Variants in ITGA3 observed in about 807,000 individuals in gnomAD.
ITGA3 encodes the protein integrin subunit alpha 3.
ITGA3 carries 70 observed loss-of-function variants against 131.1 expected under a neutral mutation model. The ratio of observed to expected loss-of-function variants is 0.53; its 90% confidence interval spans 0.44 to 0.65. The LOEUF is 0.65. Ranked by LOEUF, ITGA3 falls within the 30% of genes least tolerant of loss-of-function variation. The pLI is 0.00. For synonymous variants in ITGA3, 537 were observed against 571.6 expected (o/e 0.94, Z 0.86); for missense variants, 1,098 against 1,388.6 (o/e 0.79, Z 3.33).
chr17:50,078,188 C>A lies in ITGA3; in HGVS notation c.2220-19C>A. 6.2e-7 allele frequency: 1 copy of A among 1,613,550 alleles called. No homozygotes were observed. The highest frequency in any genetic ancestry group is 8.5e-7 in the Non-Finnish European group (1 of 1,179,646). On this transcript the variant is annotated intron_variant, in intron 17 of 25. Coordinates refer to ENST00000320031, the MANE Select transcript of ITGA3 (RefSeq NM_002204.4). ...AGGTATCTTGGATCACCTTCCTAAC[C>A]CCTGCATTTCCTCCCAAGGTCGAGT...
chr17:50,084,212 C>T lies in ITGA3; in HGVS notation c.2919+2804C>T, dbSNP rs557816080. 2.8e-3 allele frequency among the ~76,000 whole-genome samples: 316 copies of T among 111,844 alleles called. 6 individuals carry two copies. The highest frequency in any genetic ancestry group is 0.011 in the African/African-American group (308 of 27,812). The allele number at this position is 111,844 out of a possible 152,430, so 73.4% of individuals were successfully genotyped here. A position where few individuals can be genotyped will look rare whatever the true frequency, so the allele number is the denominator to read the frequency against. On this transcript the variant is annotated intron_variant, in intron 23 of 25. Coordinates refer to ENST00000320031, the MANE Select transcript of ITGA3 (RefSeq NM_002204.4). ...CTCCACTGCACTCCAGCCTGGACGA[C>T]AGAGTGAGACTCTGTCTCAAAAAAA...
chr17:50,078,318 C>G (rs1281015156), intron 18 of ITGA3, 34 bp downstream of exon 18: 6 of 1,574,024 alleles, frequency 3.8e-6, no homozygotes, highest in Non-Finnish European at 5.2e-6. Flanking sequence ...CCACCCCAGC[C>G]TGCTGTGCCT....
chr17:50,076,942 C>A (rs748343835), intron 14 of ITGA3, 32 bp from the exon 15 acceptor site: 8 of 1,584,768 alleles, frequency 5.0e-6, no homozygotes, highest in Non-Finnish European at 6.9e-6. Context: ...GGGGGCGGGG[C>A]TCTTGGCTGA....
rs769604932 is a variant in ITGA3 at position 50,079,429 on chromosome 17, C to T, written c.2584-6C>T. ...CCTGCCAGCAAATCTCCTATTTCCT[C>T]TCCAGGACCCTGGGGACAGGCCATC... is the stretch of plus-strand genomic sequence containing the variant. On this transcript the variant is annotated splice_region_variant and splice_polypyrimidine_tract_variant and intron_variant, in intron 20 of 25. Coordinates refer to ENST00000320031, the MANE Select transcript of ITGA3 (RefSeq NM_002204.4). 5 of 1,559,136 alleles carry T rather than the reference C, an allele frequency of 3.2e-6. No homozygotes were observed. The East Asian group carries it at 1.1e-4, about 35-fold the overall frequency.
At position 50,064,433 on chromosome 17, in the gene ITGA3, AGGGCCCAAGC is replaced by A; in HGVS notation, c.335-91_335-82del. On this transcript the variant is annotated intron_variant, in intron 2 of 25. Coordinates refer to ENST00000320031, the MANE Select transcript of ITGA3 (RefSeq NM_002204.4). The surrounding 1 kb of genome is among the most constrained non-coding windows in gnomAD (Gnocchi z 4.4). ...GTTGGGAGGGCTGCCCTGTGGGTGG[AGGGCCCAAGC>A]GGGACCCACTCCTGCCCTCTGGAGA... 7.9e-7 allele frequency: 1 copy of A among 1,271,526 alleles called. No individual in the cohort carries two copies. The highest frequency in any genetic ancestry group is 1.1e-6 in the Non-Finnish European group (1 of 912,450). 78.8% of individuals were successfully genotyped at this position (1,271,526 alleles called of 1,614,324 possible).
At position 50,076,642 on chromosome 17, in the gene ITGA3, G is replaced by A. The variant is rs140781106; in HGVS notation, c.1883G>A (p.Arg628Gln). The A allele has an allele frequency of 2.2e-5, 35 of 1,613,538 alleles. No individual in the cohort carries two copies. In the African/African-American group the frequency reaches 3.2e-4, roughly 15 times the overall value. ...DNKCESNLQM[R>Q]AAFVSEQQQK... The stretch of plus-strand genomic sequence containing the variant: ...AAGTGTGAGAGCAACTTGCAGATGC[G>A]GGCAGCCTTCGTGTCAGAGCAGCAG... Residue 628 changes from arginine (R) to glutamine (Q), a missense_variant, in exon 14 of 26, where the codon CGG becomes CAG. By Grantham distance (43) the Arg-to-Gln change is conservative (BLOSUM62 1). This residue lies in a region of ITGA3 where 699 missense variants were observed against 829.2 expected (regional missense o/e 0.84). Coordinates refer to ENST00000320031, the MANE Select transcript of ITGA3 (RefSeq NM_002204.4).
intron 4 of ITGA3, among the ~76,000 whole-genome samples, chr17:50,070,083 A>T (rs1365503941): frequency 6.6e-6 from 1 of 152,154 alleles, no homozygotes; most frequent in Non-Finnish European, 1.5e-5. Flanking sequence ...TGGCAAAGTC[A>T]CAGATACTCT....
chr17:50,085,837 CATTATAGATTTATAATGTATAT>C (rs1261611215), intron 23 of ITGA3, among the ~76,000 whole-genome samples: 32,753 of 111,282 alleles, frequency 0.29, 10,268 homozygotes, highest in Middle Eastern at 0.41. Context: ...TTAGATTATA[CATTATAGATTTATAATGTATAT>C]TAGATTATAC....
At position 50,060,158 on chromosome 17, in the gene ITGA3, C is replaced by T. The variant is rs563164325; in HGVS notation, c.206+3513C>T. ...CTCAGAGGTGGAGCAGGCACCCTCC[C>T]CACCTGCCTCCCGGCCGGGGATAGG... On this transcript the variant is annotated intron_variant, in intron 1 of 25. Coordinates refer to ENST00000320031, the MANE Select transcript of ITGA3 (RefSeq NM_002204.4). Among the ~76,000 whole-genome samples, 9 of 152,320 alleles carry T rather than the reference C, an allele frequency of 5.9e-5. No individual in the cohort carries two copies. In the East Asian group the frequency reaches 1.5e-3, roughly 26 times the overall value.
chr17:50,080,884 A>G (rs925436154), intron 22 of ITGA3, among the ~76,000 whole-genome samples: 1 of 152,130 alleles, frequency 6.6e-6, no homozygotes, highest in Non-Finnish European at 1.5e-5. Flanking sequence ...TTTTCTGTAC[A>G]TGACTAGATT....
intron 23 of ITGA3, among the ~76,000 whole-genome samples, chr17:50,083,723 CAA>C (rs34118743): frequency 1.8e-4 from 23 of 124,886 alleles, no homozygotes; most frequent in Non-Finnish European, 1.8e-4. Flanking sequence ...CATCTTGCCT[CAA>C]AAAAAAAAAA....
At chr17:50,070,741 A>C (rs549211440) in intron 4 of ITGA3, 103 bp from the exon 5 acceptor site, 2 of 650,562 alleles carry the variant, frequency 3.1e-6, no homozygotes, top group Non-Finnish European at 5.5e-6. Flanking sequence ...GGTTATTACT[A>C]TCCTTGTTGG....
chr17:50,079,559 T>C lies in ITGA3; in HGVS notation c.2706+2T>C, dbSNP rs1480949981. ...AAAGCCAAGTCTGAGACTGTGCTGGTGAGTGGCCAGGGCGAGGTTGGAGGG... is the reference window on the plus strand; with the variant it reads ...AAAGCCAAGTCTGAGACTGTGCTGGCGAGTGGCCAGGGCGAGGTTGGAGGG... On this transcript the variant is annotated splice_donor_variant, in intron 21 of 25. Transcript: ENST00000320031. LOFTEE classifies it high-confidence loss of function. The C allele has an allele frequency of 6.6e-7, 1 of 1,524,472 alleles. No homozygotes were observed. Among genetic ancestry groups the C allele is most frequent in the Admixed American group, 2.2e-5 (1 of 45,836 alleles). 94.4% of individuals were successfully genotyped at this position (1,524,472 alleles called of 1,614,324 possible).
At chr17:50,078,710 A>G (rs1270771534) in intron 18 of ITGA3, 114 bp from the exon 19 acceptor site, 8 of 687,760 alleles carry the variant, frequency 1.2e-5, no homozygotes, top group South Asian at 1.7e-5. Flanking sequence ...TGAGGTTTCT[A>G]TTGAGGTGAC....
In ITGA3 at chr17:50,077,346, C is replaced by T. The variant is rs772466511; in HGVS notation, c.2071-33C>T. On this transcript the variant is annotated intron_variant, in intron 15 of 25. Coordinates refer to ENST00000320031, the MANE Select transcript of ITGA3 (RefSeq NM_002204.4). ...GAGGGAGGACAAGCCCTACTTTGAC[C>T]CGACCCTGACCTTATTCGCCTTCTT... is the stretch of plus-strand genomic sequence containing the variant. 13 of 1,598,196 alleles carry T rather than the reference C, an allele frequency of 8.1e-6. No homozygotes were observed. The South Asian group carries it at 1.2e-4, about 15-fold the overall frequency.
At position 50,071,471 on chromosome 17, in the gene ITGA3, C is replaced by T. The variant is rs779778232; in HGVS notation, c.912C>T (p.Gly304=). ...AGGTGCTGGAGGGCTCGCAGGTGGG[C>T]GCCTATTTTGGCAGCGCCATTGCCC... ...RRQVLEGSQV[G]AYFGSAIALA... Residue 304 remains glycine (G), a synonymous_variant, in exon 6 of 26, where the codon GGC becomes GGT. Coordinates refer to ENST00000320031, the MANE Select transcript of ITGA3 (RefSeq NM_002204.4). 3.1e-6 allele frequency: 5 copies of T among 1,612,852 alleles called. No individual in the cohort carries two copies. Among genetic ancestry groups the T allele is most frequent in the South Asian group, 1.1e-5 (1 of 91,048 alleles).
In ITGA3 at chr17:50,064,224, G is replaced by C. The variant is rs762367048; in HGVS notation, c.334+20G>C. 1 of 1,596,680 alleles carries C rather than the reference G, an allele frequency of 6.3e-7. No individual in the cohort carries two copies. The highest frequency in any genetic ancestry group is 2.3e-5 in the East Asian group (1 of 44,336). Reference sequence around the variant, plus strand: ...TGAAAAGTGAGGGGAAGGGGCTGGGGAGGGGTGCTGGGTCAGAGGTCTGGC... The same window carrying C: ...TGAAAAGTGAGGGGAAGGGGCTGGGCAGGGGTGCTGGGTCAGAGGTCTGGC... On this transcript the variant is annotated intron_variant, in intron 2 of 25. Coordinates refer to ENST00000320031, the MANE Select transcript of ITGA3 (RefSeq NM_002204.4). The surrounding 1 kb of genome is among the most constrained non-coding windows in gnomAD (Gnocchi z 4.4).
In ITGA3 at chr17:50,079,518, T is replaced by C; in HGVS notation, c.2667T>C (p.Thr889=). 1 of 1,568,232 alleles carries C rather than the reference T, an allele frequency of 6.4e-7. No individual in the cohort carries two copies. The highest frequency in any genetic ancestry group is 8.6e-7 in the Non-Finnish European group (1 of 1,159,362). The change falls in exon 21 of 26, where the codon ACT becomes ACC. Residue 889 remains threonine (T), a synonymous_variant. Coordinates refer to ENST00000320031, the MANE Select transcript of ITGA3 (RefSeq NM_002204.4). ...PGGGQGPPPV[T]LAAAKKAKSE... ...GAGGCCAGGGCCCCCCACCTGTCACTCTGGCTGCTGCCAAAAAAGCCAAGT... is the reference window on the plus strand; with the variant it reads ...GAGGCCAGGGCCCCCCACCTGTCACCCTGGCTGCTGCCAAAAAAGCCAAGT...
chr17:50,077,767 T>C (rs1021749533), intron 16 of ITGA3, among the ~76,000 whole-genome samples: 5 of 152,066 alleles, frequency 3.3e-5, no homozygotes, highest in Admixed American at 6.5e-5. Flanking sequence ...TCTGAGGAGG[T>C]AGATGCTCTT....
Sources: allele counts gnomAD v4.1 joint callset (sites outside exome capture counted in the v4.1 genomes callset), GRCh38; gene constraint gnomAD v4.1.1; regional missense constraint gnomAD v4.1.1; non-coding constraint Gnocchi (gnomAD v3.1); transcripts MANE v1.5; gene names NCBI Gene and HGNC (gene_info 2026-07-23, HGNC 2026-07-21).